The following HCN1 variants were observed in gnomAD, a reference collection of about 807,000 sequenced individuals.
HCN1 encodes the protein potassium/sodium hyperpolarization-activated cyclic nucleotide-gated channel 1.
In HCN1, 13 loss-of-function variants were observed where a neutral mutation model predicts 78.9. The ratio of observed to expected loss-of-function variants is 0.16; its 90% CI spans 0.11 to 0.26. The LOEUF is 0.26. HCN1 is among the 10% of genes least tolerant of loss of function. HCN1 has a pLI of 1.00. For missense variants in HCN1, 810 were observed against 1,154.3 expected (o/e 0.70, Z 4.32); for synonymous variants, 552 against 455.5 (o/e 1.21, Z -2.70).
chr5:45,563,484 T>A (rs1393773618), intron 2 of HCN1, among the ~76,000 whole-genome samples: 2 of 151,654 alleles, frequency 1.3e-5, no homozygotes, highest in Non-Finnish European at 2.9e-5. Flanking sequence ...AAATAAAAAA[T>A]ATATATAGTG....
intron 2 of HCN1, among the ~76,000 whole-genome samples, chr5:45,587,658 C>G (rs1744261778): frequency 6.6e-6 from 1 of 152,060 alleles, no homozygotes; most frequent in East Asian, 1.9e-4. Flanking sequence ...TGTAACAAAC[C>G]TGCACGTTGT....
At chr5:45,340,459 T>A (rs1015060712) in intron 5 of HCN1, among the ~76,000 whole-genome samples, 1 of 152,150 alleles carries the variant, frequency 6.6e-6, no homozygotes, top group Admixed American at 6.6e-5. Flanking sequence ...ATCTTGTCTT[T>A]CTGTCTTTTG....
intron 2 of HCN1, among the ~76,000 whole-genome samples, chr5:45,555,001 C>CT (rs1743443470): frequency 6.6e-6 from 1 of 151,754 alleles, no homozygotes; most frequent in Non-Finnish European, 1.5e-5. Flanking sequence ...CAAAATCCCC[C>CT]TAGGGCAACA....
At chr5:45,402,848 C>A (rs1314084054) in intron 3 of HCN1, among the ~76,000 whole-genome samples, 1 of 143,006 alleles carries the variant, frequency 7.0e-6, no homozygotes, top group Non-Finnish European at 1.5e-5. Flanking sequence ...TCCTTCCTTC[C>A]TTCCTTCCTT....
At chr5:45,517,520 T>TAA (rs773490588) in intron 2 of HCN1, among the ~76,000 whole-genome samples, 7,445 of 94,060 alleles carry the variant, frequency 0.079, 590 homozygotes, top group African/African-American at 0.18. Flanking sequence ...AATTTCCCCT[T>TAA]AAAAAAAAAA....
chr5:45,363,090 A>T (rs895793151), intron 4 of HCN1, among the ~76,000 whole-genome samples: 1 of 146,478 alleles, frequency 6.8e-6, no homozygotes, highest in African/African-American at 2.5e-5. Context: ...CATATTTGTG[A>T]TCTGAATATA....
At chr5:45,610,734 T>C (rs1408551660) in intron 2 of HCN1, among the ~76,000 whole-genome samples, 1 of 151,328 alleles carries the variant, frequency 6.6e-6, no homozygotes, top group Admixed American at 6.6e-5. Context: ...AAATACTAGA[T>C]GGATAAAGAA....
chr5:45,344,869 AG>A (rs1288898154), intron 5 of HCN1, among the ~76,000 whole-genome samples: 1 of 152,084 alleles, frequency 6.6e-6, no homozygotes, highest in Non-Finnish European at 1.5e-5. Context: ...TGGGGTCTGG[AG>A]GATGGTGGTC....
chr5:45,579,916 G>C (rs1236235058), intron 2 of HCN1, among the ~76,000 whole-genome samples: 1 of 152,026 alleles, frequency 6.6e-6, no homozygotes, highest in African/African-American at 2.4e-5. Flanking sequence ...TCTAAATGTT[G>C]ACATGTTAAC....
chr5:45,687,846 G>C (rs915736380), intron 1 of HCN1, among the ~76,000 whole-genome samples: 1 of 152,116 alleles, frequency 6.6e-6, no homozygotes, highest in Non-Finnish European at 1.5e-5. Context: ...TTTATCTGAA[G>C]ACTTTGAAAT....
chr5:45,326,674 A>G (rs1746239089), intron 5 of HCN1, among the ~76,000 whole-genome samples: 2 of 151,730 alleles, frequency 1.3e-5, no homozygotes, highest in African/African-American at 4.8e-5. Flanking sequence ...CTTAAATTAT[A>G]TCTTGTAAAA....
At chr5:45,676,431 A>C (rs1037857694) in intron 1 of HCN1, among the ~76,000 whole-genome samples, 1 of 151,820 alleles carries the variant, frequency 6.6e-6, no homozygotes, top group South Asian at 2.1e-4. Flanking sequence ...TACTATTAAA[A>C]TATTTTTTAT....
intron 2 of HCN1, among the ~76,000 whole-genome samples, chr5:45,573,416 C>T (rs1318575495): frequency 1.3e-5 from 2 of 152,038 alleles, no homozygotes; most frequent in East Asian, 3.9e-4. Flanking sequence ...GCAAATACAG[C>T]TGTGAATTCA....
intron 3 of HCN1, among the ~76,000 whole-genome samples, chr5:45,397,277 G>A (rs1055425621): frequency 6.6e-6 from 1 of 152,008 alleles, no homozygotes; most frequent in South Asian, 2.1e-4. Flanking sequence ...GCCCTCTCTC[G>A]AAGTGATGTA....
intron 7 of HCN1, among the ~76,000 whole-genome samples, chr5:45,264,584 G>T (rs1254806704): frequency 6.6e-6 from 1 of 152,070 alleles, no homozygotes; most frequent in East Asian, 1.9e-4. Flanking sequence ...CTTACAGACT[G>T]TCCTAATTTC....
At chr5:45,565,312 T>C (rs549302328) in intron 2 of HCN1, among the ~76,000 whole-genome samples, 2 of 152,298 alleles carry the variant, frequency 1.3e-5, no homozygotes, top group South Asian at 2.1e-4. Flanking sequence ...TTATTCCTAG[T>C]GCATAGCAGG....
chr5:45,301,771 G>A (rs1323877073), intron 6 of HCN1, among the ~76,000 whole-genome samples: 1 of 149,288 alleles, frequency 6.7e-6, no homozygotes, highest in Non-Finnish European at 1.5e-5. Context: ...ATTTCCCAGT[G>A]TGTAAAACCC....
chr5:45,612,246 G>A (rs966700677), intron 2 of HCN1, among the ~76,000 whole-genome samples: 11 of 152,034 alleles, frequency 7.2e-5, no homozygotes, highest in African/African-American at 2.7e-4. Flanking sequence ...AATTCCTCCA[G>A]AAAATCATCT....
At chr5:45,574,307 A>T (rs1743894406) in intron 2 of HCN1, among the ~76,000 whole-genome samples, 1 of 152,144 alleles carries the variant, frequency 6.6e-6, no homozygotes, top group Admixed American at 6.6e-5. Flanking sequence ...TTTTGGTAAT[A>T]TTCATAATAT....
Sources: gnomAD v4.1 joint callset for allele counts (sites outside exome capture counted in the v4.1 genomes callset) on GRCh38, gnomAD v4.1.1 for gene constraint, MANE v1.5 for transcripts, NCBI Gene and HGNC (gene_info 2026-07-23, HGNC 2026-07-21) for gene names.